NLGN1: variants seen among roughly 807,000 people sequenced by gnomAD.
NLGN1 encodes the protein neuroligin-1.
In NLGN1, 12 loss-of-function variants were observed where a neutral mutation model predicts 65.5. The ratio of observed to expected loss-of-function variants is 0.18; its 90% confidence interval spans 0.12 to 0.30. The LOEUF is 0.30. NLGN1 is among the 10% of genes least tolerant of loss of function. The pLI, the probability that NLGN1 is intolerant of heterozygous loss-of-function variation, is 1.00. For missense variants in NLGN1, 750 were observed against 1,007.1 expected, an observed-to-expected ratio of 0.74 and a Z score of 3.46; for synonymous variants, 350 against 359.5, an observed-to-expected ratio of 0.97 and a Z score of 0.30.
intron 1 of NLGN1, among the ~76,000 whole-genome samples, chr3:173,408,638 C>T (rs1295634003): frequency 2.6e-5 from 4 of 152,146 alleles, no homozygotes; most frequent in African/African-American, 4.8e-5. Context: ...ATTGGCCGGG[C>T]GCAGTGGCTC....
intron 4 of NLGN1, among the ~76,000 whole-genome samples, chr3:174,268,097 C>T (rs1290575021): frequency 1.3e-5 from 2 of 152,060 alleles, no homozygotes; most frequent in African/African-American, 4.8e-5. Flanking sequence ...TAGACATTGT[C>T]GTTTCTTCAA....
intron 4 of NLGN1, among the ~76,000 whole-genome samples, chr3:174,113,448 T>G (rs1576939163): frequency 1.3e-5 from 2 of 152,204 alleles, no homozygotes; most frequent in Admixed American, 6.5e-5. Context: ...TCAATTCAAA[T>G]GTATTCTACT....
intron 3 of NLGN1, among the ~76,000 whole-genome samples, chr3:173,732,205 T>C (rs919269252): frequency 6.6e-6 from 1 of 152,066 alleles, no homozygotes; most frequent in Non-Finnish European, 1.5e-5. Context: ...TACAGCTGAG[T>C]TACAAAACCT....
rs183183332 is a variant in NLGN1 at position 173,463,768 on chromosome 3, A to G, written c.-321+28690A>G. 2.8e-3 allele frequency among the ~76,000 whole-genome samples: 431 copies of G among 152,320 alleles called. 2 individuals carry two copies. The highest frequency in any genetic ancestry group is 0.01 in the Middle Eastern group (3 of 294). On this transcript the variant is annotated intron_variant, in intron 2 of 6. Transcript: ENST00000457714. Reference sequence around the variant, plus strand: ...ATTGAATGAAGGAGCAGATATGGCAATCCAGCTGTCTCATATTAATCCTAG... The same window carrying G: ...ATTGAATGAAGGAGCAGATATGGCAGTCCAGCTGTCTCATATTAATCCTAG...
At chr3:174,157,677 A>T (rs1725707902) in intron 4 of NLGN1, among the ~76,000 whole-genome samples, 1 of 151,776 alleles carries the variant, frequency 6.6e-6, no homozygotes, top group African/African-American at 2.4e-5. Context: ...GGGAACTTTT[A>T]CTTGCAACCT....
At chr3:174,243,046 A>G (rs529245040) in intron 4 of NLGN1, among the ~76,000 whole-genome samples, 3 of 152,238 alleles carry the variant, frequency 2.0e-5, no homozygotes, top group African/African-American at 7.2e-5. Context: ...CCTTTTTCTG[A>G]ATTTGAAGCA....
At chr3:173,810,839 G>A (rs541398755) in intron 4 of NLGN1, among the ~76,000 whole-genome samples, 10 of 152,234 alleles carry the variant, frequency 6.6e-5, no homozygotes, top group Non-Finnish European at 1.3e-4. Flanking sequence ...TTCTTCTACC[G>A]ACACCCTTTA....
chr3:174,079,705 A>G (rs951461793), intron 4 of NLGN1, among the ~76,000 whole-genome samples: 1 of 152,202 alleles, frequency 6.6e-6, no homozygotes, highest in African/African-American at 2.4e-5. Flanking sequence ...GTATGTAGCT[A>G]TAAAAAAGAA....
At chr3:173,650,345 G>A (rs955383911) in intron 3 of NLGN1, among the ~76,000 whole-genome samples, 1 of 152,100 alleles carries the variant, frequency 6.6e-6, no homozygotes, top group Admixed American at 6.5e-5. Flanking sequence ...TATGAATGTA[G>A]ATATAGATCT....
intron 4 of NLGN1, among the ~76,000 whole-genome samples, chr3:173,967,655 T>G (rs1027713648): frequency 2.6e-5 from 4 of 152,174 alleles, no homozygotes; most frequent in African/African-American, 9.6e-5. Flanking sequence ...CTTCTTATTT[T>G]CAAGGTCTAC....
intron 2 of NLGN1, among the ~76,000 whole-genome samples, chr3:173,490,805 T>C (rs1200700513): frequency 6.6e-6 from 1 of 152,132 alleles, no homozygotes; most frequent in Non-Finnish European, 1.5e-5. Flanking sequence ...GAAGAGGTCC[T>C]TCACATCCCT....
chr3:173,519,959 G>T (rs1252232601), intron 2 of NLGN1, among the ~76,000 whole-genome samples: 1 of 152,120 alleles, frequency 6.6e-6, no homozygotes, highest in Non-Finnish European at 1.5e-5. Context: ...GTGGGACCTG[G>T]TAGAATCATG....
chr3:173,811,029 C>T (rs574595901), intron 4 of NLGN1, among the ~76,000 whole-genome samples: 9 of 152,330 alleles, frequency 5.9e-5, no homozygotes, highest in African/African-American at 1.9e-4. Flanking sequence ...GTTAGAGCTC[C>T]TGGCGACCTC....
intron 4 of NLGN1, among the ~76,000 whole-genome samples, chr3:174,270,031 G>GTTGT (rs1304393165): frequency 6.8e-6 from 1 of 147,662 alleles, no homozygotes; most frequent in East Asian, 2.1e-4. Flanking sequence ...TGGGTTTTTT[G>GTTGT]TTGTTGTTGT....
intron 3 of NLGN1, among the ~76,000 whole-genome samples, chr3:173,732,876 G>C (rs1244321306): frequency 6.6e-6 from 1 of 151,914 alleles, no homozygotes; most frequent in Non-Finnish European, 1.5e-5. Context: ...AAAGTTTCAT[G>C]TATTATAAAA....
chr3:174,130,191 A>G (rs908522506), intron 4 of NLGN1, among the ~76,000 whole-genome samples: 33 of 152,126 alleles, frequency 2.2e-4, no homozygotes, highest in African/African-American at 6.5e-4. Context: ...CCTGGCCAAC[A>G]AGGAAACCCC....
chr3:173,572,856 C>T (rs1431645272), intron 2 of NLGN1, among the ~76,000 whole-genome samples: 1 of 152,184 alleles, frequency 6.6e-6, no homozygotes, highest in Non-Finnish European at 1.5e-5. Context: ...AGTTCAGCTT[C>T]ACCCAGGGAG....
chr3:173,808,463 AG>A (rs1264259203), intron 4 of NLGN1, among the ~76,000 whole-genome samples: 1 of 152,202 alleles, frequency 6.6e-6, no homozygotes, highest in Non-Finnish European at 1.5e-5. Flanking sequence ...TAAAAAGTAT[AG>A]AGACATATTA....
chr3:173,752,941 C>T (rs1241937935), intron 3 of NLGN1, among the ~76,000 whole-genome samples: 3 of 152,096 alleles, frequency 2.0e-5, no homozygotes, highest in Non-Finnish European at 4.4e-5. Context: ...ACCATCTACC[C>T]CATCCCTTCC....
Sources: gnomAD v4.1 joint callset for allele counts (sites outside exome capture counted in the v4.1 genomes callset) on GRCh38, gnomAD v4.1.1 for gene constraint, MANE v1.5 for transcripts, NCBI Gene and HGNC (gene_info 2026-07-23, HGNC 2026-07-21) for gene names.